TAOK2: variants seen among roughly 807,000 people sequenced by gnomAD.
The protein encoded by TAOK2 is serine/threonine-protein kinase TAO2.
A neutral mutation model predicts 122.5 loss-of-function variants in TAOK2; 42 were observed. That is an observed-to-expected ratio of 0.34 (90% CI 0.27 to 0.44). TAOK2 has a LOEUF of 0.44. Among genes scored for constraint, TAOK2 ranks in the 20% least tolerant of loss-of-function variants. TAOK2 has a pLI of 1.00. For synonymous variants in TAOK2, 704 were observed against 677.6 expected (o/e 1.04, Z -0.61); for missense variants, 1,264 against 1,644.9 (o/e 0.77, Z 4.01).
downstream of TAOK2, chr16:29,988,646 G>A (rs528607401): frequency 3.9e-5 from 38 of 985,404 alleles, no homozygotes; most frequent in Admixed American, 1.7e-3. Flanking sequence ...GCCTGTTTGC[G>A]GGTTCCTTCC....
rs751542808 is a variant in TAOK2, at chr16:29,987,242, G to A, written c.2970G>A (p.Leu990=). The A allele has an allele frequency of 2.9e-5, 44 of 1,534,556 alleles. 1 individual carries two copies. The highest frequency in any genetic ancestry group is 3.1e-5 in the Non-Finnish European group (35 of 1,146,334). Reference sequence around the variant, plus strand: ...GGGGTGGCCTGCAGGCAGCGCTGCTGGCCCTTGAGGTGGGGCTGGTGGGTC... The same window carrying A: ...GGGGTGGCCTGCAGGCAGCGCTGCTAGCCCTTGAGGTGGGGCTGGTGGGTC... ...QGGGGLQAAL[L]ALEVGLVGLG... The change falls in exon 16 of 16, where the codon CTG becomes CTA. Residue 990 remains leucine (L), a synonymous_variant. Transcript: ENST00000308893.
At position 29,979,534 on chromosome 16, in the gene TAOK2, A is replaced by G. The variant is rs771852620; in HGVS notation, c.655+26A>G. 2 of 1,479,614 alleles carry G rather than the reference A, an allele frequency of 1.4e-6. No homozygotes were observed. The highest frequency in any genetic ancestry group is 9.0e-7 in the Non-Finnish European group (1 of 1,109,086). 91.7% of individuals were successfully genotyped at this position (1,479,614 alleles called of 1,614,324 possible). On this transcript the variant is annotated intron_variant, in intron 8 of 15. Transcript: ENST00000308893. The surrounding 1 kb of genome is among the most constrained non-coding windows in gnomAD (Gnocchi z 4.1). ...GTAAGAACATCCTCCCTGTTCCCTC[A>G]TCATCTTTTCCATTCTTTCCTGTTA...
Position 29,979,361 on chromosome 16 carries a change from A to C in TAOK2, c.563+53A>C. On this transcript the variant is annotated intron_variant, in intron 7 of 15. Coordinates refer to ENST00000308893, the MANE Select transcript of TAOK2 (RefSeq NM_016151.4). The surrounding 1 kb of genome is among the most constrained non-coding windows in gnomAD (Gnocchi z 4.1). ...GAGACCTCCCAGGGATGTTGGGAGT[A>C]GGAGTGACAGGGTCTCGGCGGGTGA... 1 of 1,609,372 alleles carries C rather than the reference A, an allele frequency of 6.2e-7. No individual in the cohort carries two copies. The highest frequency in any genetic ancestry group is 8.5e-7 in the Non-Finnish European group (1 of 1,175,944).
At position 29,985,675 on chromosome 16, in the gene TAOK2, C is replaced by T; in HGVS notation, c.1806C>T (p.Pro602=). The change falls in exon 15 of 16, where the codon CCC becomes CCT. Residue 602 remains proline (P), a synonymous_variant. Transcript: ENST00000308893. The surrounding 1 kb of genome is among the most constrained non-coding windows in gnomAD (Gnocchi z 6.9). ...EQLKEELQEN[P]STPKREKAEW... ...TCGCCCAGGAGCTCCAGGAGAACCC[C>T]AGCACTCCCAAGCGGGAGAAGGCCG... is the stretch of plus-strand genomic sequence containing the variant. 6.2e-7 allele frequency: 1 copy of T among 1,609,180 alleles called. No individual in the cohort carries two copies. Among genetic ancestry groups the T allele is most frequent in the South Asian group, 1.1e-5 (1 of 90,488 alleles).
downstream of TAOK2, chr16:29,991,289 T>C: frequency 6.2e-7 from 1 of 1,611,634 alleles, no homozygotes; most frequent in Non-Finnish European, 8.5e-7. This position sits in a 1 kb window ranked among gnomAD's most constrained non-coding sequence, Gnocchi z 5.6. Flanking sequence ...GCCATGGCCC[T>C]CCTCCACCAG....
chr16:29,989,166 C>T (rs1272249181), downstream of TAOK2: 2 of 985,174 alleles, frequency 2.0e-6, no homozygotes, highest in Non-Finnish European at 2.4e-6. Flanking sequence ...TGCACGTTCT[C>T]ATATTTGCTC....
downstream of TAOK2, chr16:29,990,066 T>C: frequency 2.3e-6 from 1 of 427,844 alleles, no homozygotes; most frequent in Non-Finnish European, 4.3e-6. Flanking sequence ...AGAGTGGCTA[T>C]TATTTTTTTC....
chr16:29,989,832 T>C (rs773367950), downstream of TAOK2: 249 of 1,608,070 alleles, frequency 1.5e-4, no homozygotes, highest in Non-Finnish European at 2.1e-4. Flanking sequence ...AGGGAGGGAG[T>C]GCGCTAGAGG....
intron 8 of TAOK2, among the ~76,000 whole-genome samples, chr16:29,980,117 A>G (rs2069570671): frequency 6.6e-6 from 1 of 152,246 alleles, no homozygotes; most frequent in Admixed American, 6.5e-5. Flanking sequence ...CTAGCATGTA[A>G]TGCAGAGAAT....
chr16:29,978,706 G>A lies in TAOK2; in HGVS notation c.307-93G>A, dbSNP rs79303918. On this transcript the variant is annotated intron_variant, in intron 4 of 15. Transcript: ENST00000308893. ...TGCGCTTCCTCCCTGTCATCACCCC[G>A]GGGACATAGCTTGAGTACAGGACAG... 6.1e-3 allele frequency: 8,892 copies of A among 1,458,002 alleles called. 474 individuals are homozygous for A. The African/African-American group carries it at 0.11, about 18-fold the overall frequency. The allele number at this position is 1,458,002 out of a possible 1,614,324, so 90.3% of individuals were successfully genotyped here.
Position 29,979,163 on chromosome 16 carries a change from C to T in TAOK2, c.450-32C>T. On this transcript the variant is annotated intron_variant, in intron 6 of 15. Transcript: ENST00000308893. This position sits in a 1 kb window ranked among gnomAD's most constrained non-coding sequence, Gnocchi z 4.1. ...GCCCCTGCCTAGCTTTCTTGAGACA[C>T]ATGTCTCATCCCTGTACTTTGCCTC... 2 of 1,611,088 alleles carry T rather than the reference C, an allele frequency of 1.2e-6. No individual in the cohort carries two copies. Among genetic ancestry groups the T allele is most frequent in the Non-Finnish European group, 1.7e-6 (2 of 1,177,252 alleles).
In TAOK2 at chr16:29,986,373, A is replaced by T; in HGVS notation, c.2101A>T (p.Thr701Ser). 6.2e-7 allele frequency: 1 copy of T among 1,607,138 alleles called. No homozygotes were observed. ...ELRQLQAVQRTRAELTRLQHQ... is the reference protein window; with the variant it reads ...ELRQLQAVQRSRAELTRLQHQ... ...GCGGCAGCTCCAGGCCGTGCAGCGC[A>T]CGCGGGCTGAGCTCACCCGCCTGCA... is the stretch of plus-strand genomic sequence containing the variant. Residue 701 changes from threonine (T) to serine (S), a missense_variant, in exon 16 of 16, where the codon ACG becomes TCG. This residue lies in a region of TAOK2 where 824 missense variants were observed against 908.7 expected (regional missense o/e 0.91). Transcript: ENST00000308893. This position sits in a 1 kb window ranked among gnomAD's most constrained non-coding sequence, Gnocchi z 4.2.
At chr16:29,976,245 C>G (rs2150878966) in intron 1 of TAOK2, among the ~76,000 whole-genome samples, 1 of 152,120 alleles carries the variant, frequency 6.6e-6, no homozygotes, top group South Asian at 2.1e-4. Context: ...GTGAGGGGTG[C>G]TTGGCACTGT....
At chr16:29,988,551 C>G, downstream of TAOK2, 8 of 985,428 alleles carry the variant, frequency 8.1e-6, no homozygotes, top group Non-Finnish European at 9.6e-6. Flanking sequence ...TCTCTGCCTT[C>G]ATAGCTTCAT....
At chr16:29,978,504 T>TA (rs2069524228) in intron 4 of TAOK2, 151 bp downstream of exon 4, 1 of 886,912 alleles carries the variant, frequency 1.1e-6, no homozygotes, top group Admixed American at 2.2e-5. Flanking sequence ...TCCTCAGACA[T>TA]ACCCACTGAG....
intron 4 of TAOK2, 78 bp downstream of exon 4, chr16:29,978,431 G>A: frequency 1.4e-6 from 2 of 1,455,856 alleles, no homozygotes; most frequent in Non-Finnish European, 1.9e-6. Flanking sequence ...CTCTTAGGTG[G>A]TCCCTGTTCG....
chr16:29,987,333 G>A lies in TAOK2; in HGVS notation c.3061G>A (p.Ala1021Thr), dbSNP rs1179728929. 4.6e-6 allele frequency: 7 copies of A among 1,532,398 alleles called. No individual in the cohort carries two copies. Among genetic ancestry groups the A allele is most frequent in the Non-Finnish European group, 6.1e-6 (7 of 1,141,780 alleles). 94.9% of individuals were successfully genotyped at this position (1,532,398 alleles called of 1,614,324 possible). The change falls in exon 16 of 16, where the codon GCC (alanine) becomes ACC (threonine). Residue 1021 changes from alanine (A) to threonine (T), a missense_variant. By Grantham distance (58) the Ala-to-Thr change is moderately conservative. Transcript: ENST00000308893. The part of the protein sequence containing the change: ...HLPSSLFLLL[A>T]QGTALGAVLG... ...GCCCTCCAGTCTTTTCCTACTCCTG[G>A]CCCAGGGTACCGCACTGGGGGCCGT...
chr16:29,981,985 T>TA (rs1361296490), intron 10 of TAOK2, 45 bp downstream of exon 10: 2 of 1,521,112 alleles, frequency 1.3e-6, no homozygotes, highest in South Asian at 1.2e-5. Flanking sequence ...TGTAGCTTGT[T>TA]ACAGCCACAA....
rs375603243 is a variant in TAOK2, at chr16:29,979,578, A to AC, written c.655+75dup. ...CCTGTTAGTTCCCAGACTCCGGACTACCCCCTTCTCCTAGGGATGGGATCC... is the reference window on the plus strand; with the variant it reads ...CCTGTTAGTTCCCAGACTCCGGACTACCCCCCTTCTCCTAGGGATGGGATCC... On this transcript the variant is annotated intron_variant, in intron 8 of 15. Transcript: ENST00000308893. The surrounding 1 kb of genome is among the most constrained non-coding windows in gnomAD (Gnocchi z 4.1). 3.3e-4 allele frequency: 414 copies of AC among 1,246,446 alleles called. 1 individual carries two copies. The African/African-American group carries it at 5.8e-3, about 17-fold the overall frequency. The allele number at this position is 1,246,446 out of a possible 1,614,324, so 77.2% of individuals were successfully genotyped here.
Sources: allele counts gnomAD v4.1 joint callset (sites outside exome capture counted in the v4.1 genomes callset), GRCh38; gene constraint gnomAD v4.1.1; regional missense constraint gnomAD v4.1.1; non-coding constraint Gnocchi (gnomAD v3.1); transcripts MANE v1.5; gene names NCBI Gene and HGNC (gene_info 2026-07-23, HGNC 2026-07-21).